FAM53B: variants seen among roughly 807,000 people sequenced by gnomAD.
FAM53B encodes the protein family with sequence similarity 53 member B, also known as protein FAM53B.
In FAM53B, 12 loss-of-function variants were observed where a neutral mutation model predicts 32.7. That is an observed-to-expected ratio of 0.37 (90% CI 0.24 to 0.59). The LOEUF (loss-of-function observed/expected upper bound fraction) is 0.59. Among genes scored for constraint, FAM53B ranks in the 20% least tolerant of loss-of-function variants. FAM53B has a pLI of 0.72. For synonymous variants in FAM53B, 234 were observed against 228.7 expected, an observed-to-expected ratio of 1.02 and a Z score of -0.21; for missense variants, 477 against 577.7, an observed-to-expected ratio of 0.83 and a Z score of 1.79.
At chr10:124,686,923 G>A (rs367578745) in intron 3 of FAM53B, among the ~76,000 whole-genome samples, 3 of 152,268 alleles carry the variant, frequency 2.0e-5, no homozygotes, top group East Asian at 3.8e-4. Flanking sequence ...TCAGCAAGGA[G>A]ATGGGGTTGA....
chr10:124,694,346 G>A (rs1045129717), intron 3 of FAM53B, among the ~76,000 whole-genome samples: 9 of 152,224 alleles, frequency 5.9e-5, no homozygotes, highest in African/African-American at 1.7e-4. Flanking sequence ...TGCAGCCTCC[G>A]ATAGACTCTC....
chr10:124,707,626 C>T (rs945061388), intron 1 of FAM53B, among the ~76,000 whole-genome samples: 31 of 152,278 alleles, frequency 2.0e-4, no homozygotes, highest in Non-Finnish European at 7.4e-5. Flanking sequence ...ATAATTGCAG[C>T]TACATGTAAG....
chr10:124,723,619 A>C (rs1279669226), intron 1 of FAM53B, among the ~76,000 whole-genome samples: 1 of 152,232 alleles, frequency 6.6e-6, no homozygotes, highest in African/African-American at 2.4e-5. Context: ...CCCTGCCCTA[A>C]CAGCTTTGTT....
intron 3 of FAM53B, among the ~76,000 whole-genome samples, chr10:124,691,715 G>C (rs1327331464): frequency 6.6e-6 from 1 of 152,244 alleles, no homozygotes; most frequent in African/African-American, 2.4e-5. Context: ...GGTGAATGGA[G>C]ACTGCGCTCA....
chr10:124,685,225 CTGGT>C (rs1471898632), intron 3 of FAM53B, among the ~76,000 whole-genome samples: 3 of 152,148 alleles, frequency 2.0e-5, no homozygotes, highest in Admixed American at 2.0e-4. Flanking sequence ...TGGCAGACAG[CTGGT>C]TGGTTAATTT....
intron 1 of FAM53B, among the ~76,000 whole-genome samples, chr10:124,719,054 AAAG>A (rs1160146799): frequency 3.9e-5 from 6 of 151,926 alleles, no homozygotes; most frequent in East Asian, 3.9e-4. Context: ...AAATAAAAAA[AAAG>A]AAGAAGAAGA....
chr10:124,687,345 T>G (rs1045834835), intron 3 of FAM53B, among the ~76,000 whole-genome samples: 10 of 152,016 alleles, frequency 6.6e-5, no homozygotes, highest in African/African-American at 2.4e-4. Context: ...AAGTCACAAT[T>G]GTCATGGATG....
At chr10:124,636,267 T>C (rs888759157) in intron 4 of FAM53B, among the ~76,000 whole-genome samples, 5 of 152,220 alleles carry the variant, frequency 3.3e-5, no homozygotes, top group African/African-American at 1.2e-4. Context: ...TTTCTCTTTA[T>C]TGGTAGCAAC....
chr10:124,667,042 A>C (rs554993357), intron 4 of FAM53B: 68 of 194,008 alleles, frequency 3.5e-4, no homozygotes, highest in Middle Eastern at 2.1e-3. Flanking sequence ...CAACCCCCCC[A>C]CACTCTTATA....
At chr10:124,653,226 C>T (rs980225842) in intron 4 of FAM53B, among the ~76,000 whole-genome samples, 8 of 152,192 alleles carry the variant, frequency 5.3e-5, no homozygotes, top group African/African-American at 1.9e-4. Flanking sequence ...AGCCCATAGG[C>T]TTGGATATGT....
chr10:124,705,773 T>A (rs17697574), intron 2 of FAM53B: 2,508 of 152,342 alleles, frequency 0.016, 24 homozygotes, highest in South Asian at 0.027. Flanking sequence ...GTCTATCTGC[T>A]CAAGGTCTGG....
chr10:124,707,440 A>T (rs1949968349), intron 1 of FAM53B, among the ~76,000 whole-genome samples: 1 of 152,198 alleles, frequency 6.6e-6, no homozygotes, highest in African/African-American at 2.4e-5. Flanking sequence ...GGGTCCATTT[A>T]AAAAGGCATA....
Position 124,653,384 on chromosome 10 carries a change from G to T in FAM53B, c.906+28223C>A, listed in dbSNP as rs577766245. 4.6e-5 allele frequency among the ~76,000 whole-genome samples: 7 copies of T among 152,304 alleles called. 1 individual carries two copies. The South Asian group carries it at 1.4e-3, about 32-fold the overall frequency. ...AGGGGCTTGCCAGAAGGGCTCTGGC[G>T]TGGGGACCCTGATGGACTCAACAGG... On this transcript the variant is annotated intron_variant, in intron 4 of 4. Transcript: ENST00000337318.
chr10:124,713,332 T>G (rs1950017767), intron 1 of FAM53B: 1 of 152,154 alleles, frequency 6.6e-6, no homozygotes, highest in African/African-American at 2.4e-5. Flanking sequence ...CAGGCCTTCC[T>G]CCCCAGGCCA....
intron 4 of FAM53B, among the ~76,000 whole-genome samples, chr10:124,662,213 C>A (rs75368456): frequency 2.5e-3 from 386 of 152,312 alleles, no homozygotes; most frequent in Non-Finnish European, 3.6e-3. Flanking sequence ...CAGCCTCTTC[C>A]GTAAAACAAG....
intron 4 of FAM53B, among the ~76,000 whole-genome samples, chr10:124,632,624 G>A (rs1168755912): frequency 6.6e-6 from 1 of 152,250 alleles, no homozygotes; most frequent in East Asian, 1.9e-4. Context: ...GGACTGCTGA[G>A]CACGGCCTCT....
At chr10:124,712,427 A>G (rs1246975926) in intron 1 of FAM53B, among the ~76,000 whole-genome samples, 7 of 152,172 alleles carry the variant, frequency 4.6e-5, no homozygotes, top group Admixed American at 4.6e-4. Flanking sequence ...CTGCTGTAAG[A>G]TTTAAATAAG....
chr10:124,730,039 G>A (rs1261714316), intron 1 of FAM53B, among the ~76,000 whole-genome samples: 1 of 152,210 alleles, frequency 6.6e-6, no homozygotes, highest in Admixed American at 6.5e-5. Context: ...TAAGGAGTAA[G>A]TCACGTGATA....
At chr10:124,666,783 C>A (rs1949675706) in intron 4 of FAM53B, among the ~76,000 whole-genome samples, 1 of 152,216 alleles carries the variant, frequency 6.6e-6, no homozygotes, top group Non-Finnish European at 1.5e-5. Flanking sequence ...CCCGGACCAG[C>A]CCCACGAGGA....
Sources: allele counts gnomAD v4.1 joint callset (sites outside exome capture counted in the v4.1 genomes callset), GRCh38; gene constraint gnomAD v4.1.1; transcripts MANE v1.5; gene names NCBI Gene and HGNC (gene_info 2026-07-23, HGNC 2026-07-21).